CLEC16A: variants seen among roughly 807,000 people sequenced by gnomAD.
CLEC16A encodes the protein protein CLEC16A.
In CLEC16A, 51 loss-of-function variants were observed where a neutral mutation model predicts 109.5. The ratio of observed to expected loss-of-function variants is 0.47; its 90% CI spans 0.37 to 0.59. The LOEUF is 0.59. Among genes scored for constraint, CLEC16A ranks in the 20% least tolerant of loss-of-function variants. The probability of loss-of-function intolerance (pLI) is 0.00; values close to 1 mark genes in which losing one functional copy is unlikely to be tolerated. For missense variants in CLEC16A, 1,339 were observed against 1,394.0 expected (o/e 0.96, Z 0.63); for synonymous variants, 673 against 564.2 (o/e 1.19, Z -2.73).
intron 19 of CLEC16A, among the ~76,000 whole-genome samples, chr16:11,110,796 A>T (rs76310604): frequency 3.3e-5 from 5 of 152,172 alleles, no homozygotes; most frequent in African/African-American, 1.2e-4. Context: ...GACTCAGAAA[A>T]GGGAGGTGAT....
At chr16:11,083,148 GTTGTTTGTTTGT>G (rs144974456) in intron 19 of CLEC16A, among the ~76,000 whole-genome samples, 3 of 147,426 alleles carry the variant, frequency 2.0e-5, no homozygotes, top group Admixed American at 6.8e-5. Context: ...TGTTGTTGTT[GTTGTTTGTTTGT>G]TTGTTTGTTT....
intron 1 of CLEC16A, among the ~76,000 whole-genome samples, chr16:10,946,109 G>A (rs562244249): frequency 1.1e-4 from 16 of 152,266 alleles, no homozygotes; most frequent in South Asian, 6.2e-4. Context: ...GGGAAATGGC[G>A]GGGATGCTGA....
rs1199503779 is a variant in CLEC16A, at chr16:10,979,303, C to G, written c.904-26C>G. The G allele has an allele frequency of 3.1e-6, 5 of 1,606,356 alleles. No homozygotes were observed. The South Asian group carries it at 4.4e-5, about 14-fold the overall frequency. ...CTCGCTTGTGTGACCTGATCTCTCTCTCTCTCTCCTGCCACCCTGCACTAG... is the reference window on the plus strand; with the variant it reads ...CTCGCTTGTGTGACCTGATCTCTCTGTCTCTCTCCTGCCACCCTGCACTAG... On this transcript the variant is annotated intron_variant, in intron 8 of 23. Coordinates refer to ENST00000409790, the MANE Select transcript of CLEC16A (RefSeq NM_015226.3).
chr16:11,074,616 T>C (rs1007526337), intron 19 of CLEC16A, among the ~76,000 whole-genome samples: 1 of 152,208 alleles, frequency 6.6e-6, no homozygotes, highest in African/African-American at 2.4e-5. Flanking sequence ...CTGTAATCTT[T>C]CCCTGTTTTA....
chr16:10,981,760 G>C (rs1398433263), intron 9 of CLEC16A, among the ~76,000 whole-genome samples: 4 of 152,212 alleles, frequency 2.6e-5, no homozygotes, highest in South Asian at 2.1e-4. Flanking sequence ...TCTATCCCCA[G>C]AGACAATTAG....
Position 11,087,804 on chromosome 16 carries a change from A to C in CLEC16A, c.2116+26782A>C, listed in dbSNP as rs577026981. 4.6e-5 allele frequency among the ~76,000 whole-genome samples: 7 copies of C among 152,320 alleles called. No individual in the cohort carries two copies. In the East Asian group the frequency reaches 1.4e-3, roughly 29 times the overall value. On this transcript the variant is annotated intron_variant, in intron 19 of 23. Coordinates refer to ENST00000409790, the MANE Select transcript of CLEC16A (RefSeq NM_015226.3). ...GGTACACCGAGGCCCAGAGAGGAGG[A>C]CGGGGCTTGCCCAGGTCGCTGGCCA...
intron 19 of CLEC16A, among the ~76,000 whole-genome samples, chr16:11,071,628 G>T: frequency 6.7e-6 from 1 of 149,450 alleles, no homozygotes; most frequent in Non-Finnish European, 1.5e-5. Flanking sequence ...TAAGAGATGG[G>T]ATCTTGCTGT....
At chr16:11,042,630 A>G (rs2047401930) in intron 15 of CLEC16A, among the ~76,000 whole-genome samples, 1 of 152,174 alleles carries the variant, frequency 6.6e-6, no homozygotes, top group Non-Finnish European at 1.5e-5. Context: ...TGTCCTCAGG[A>G]TTTCTGAATT....
chr16:11,020,075 C>T, intron 11 of CLEC16A, 118 bp from the exon 12 acceptor site: 5 of 1,206,492 alleles, frequency 4.1e-6, no homozygotes, highest in Non-Finnish European at 5.6e-6. Context: ...TGCTGTCGGA[C>T]ATGTGCTTGA....
rs1347861804 is a variant in CLEC16A, at chr16:11,174,862, CCA to C, written c.2807-3468_2807-3467del. On this transcript the variant is annotated intron_variant, in intron 23 of 23. Coordinates refer to ENST00000409790, the MANE Select transcript of CLEC16A (RefSeq NM_015226.3). This position sits in a 1 kb window ranked among gnomAD's most constrained non-coding sequence, Gnocchi z 4.7. The stretch of plus-strand genomic sequence containing the variant: ...CACCATCTCCCTTTCTGAGTGGCAC[CCA>C]CACAGCAGTGAGGCTGATCCATGGG... Among the ~76,000 whole-genome samples the C allele has an allele frequency of 1.3e-5, 2 of 152,354 alleles. No individual in the cohort carries two copies. Among genetic ancestry groups the C allele is most frequent in the East Asian group, 3.9e-4 (2 of 5,192 alleles).
rs910455249 is a variant in CLEC16A at position 11,180,646 on chromosome 16, A to T, written c.*1956A>T. The T allele has an allele frequency of 4.6e-5, 7 of 152,284 alleles. No homozygotes were observed. The highest frequency in any genetic ancestry group is 1.7e-4 in the African/African-American group (7 of 41,460). The allele number at this position is 152,284 out of a possible 1,614,324, so 9.4% of individuals were successfully genotyped here. A position where few individuals can be genotyped will look rare whatever the true frequency, so the allele number is the denominator to read the frequency against. ...GCTGGAGATGGCTAGCCCCTGAGACATGCACTTCTGGTTTTGAAATGACTC... is the reference window on the plus strand; with the variant it reads ...GCTGGAGATGGCTAGCCCCTGAGACTTGCACTTCTGGTTTTGAAATGACTC... On this transcript the variant is annotated 3_prime_UTR_variant, in exon 24 of 24. Transcript: ENST00000409790.
At chr16:11,083,529 G>GGT (rs1267601849) in intron 19 of CLEC16A, among the ~76,000 whole-genome samples, 2 of 152,192 alleles carry the variant, frequency 1.3e-5, no homozygotes, top group East Asian at 3.9e-4. Flanking sequence ...GAGGGGCCCA[G>GGT]GTAGCACGTG....
At chr16:10,974,119 G>A (rs1181627131) in intron 7 of CLEC16A, among the ~76,000 whole-genome samples, 2 of 151,406 alleles carry the variant, frequency 1.3e-5, no homozygotes, top group East Asian at 3.9e-4. Flanking sequence ...GGCTAGTCTT[G>A]AACTCCTGAC....
At chr16:11,173,467 C>T (rs9937885) in intron 23 of CLEC16A, among the ~76,000 whole-genome samples, 2,278 of 143,236 alleles carry the variant, frequency 0.016, 52 homozygotes, top group African/African-American at 0.057. Flanking sequence ...ACCTGGTCTC[C>T]GCTCTCCTGC....
At chr16:11,001,631 A>G (rs1377157708) in intron 10 of CLEC16A, among the ~76,000 whole-genome samples, 1 of 152,126 alleles carries the variant, frequency 6.6e-6, no homozygotes, top group Non-Finnish European at 1.5e-5. Flanking sequence ...ACTGAGATAT[A>G]CTAATATGAA....
Position 11,178,549 on chromosome 16 carries a change from G to T in CLEC16A, c.3021G>T (p.Leu1007=), listed in dbSNP as rs201395603. Residue 1007 remains leucine, a synonymous_variant, in exon 24 of 24, where the codon CTG becomes CTT. Transcript: ENST00000409790. This position sits in a 1 kb window ranked among gnomAD's most constrained non-coding sequence, Gnocchi z 6.5. ...DTADTLSVES[L]TLVPPVDPHS... is the part of the protein sequence containing the mutation. ...CTGACACGCTGAGCGTCGAATCGCT[G>T]ACCCTTGTCCCCCCAGTTGACCCCC... The T allele has an allele frequency of 1.4e-5, 22 of 1,612,708 alleles. No homozygotes were observed. The East Asian group carries it at 4.9e-4, about 36-fold the overall frequency.
chr16:11,012,870 A>G (rs2045520713), intron 11 of CLEC16A, among the ~76,000 whole-genome samples: 2 of 152,076 alleles, frequency 1.3e-5, no homozygotes, highest in African/African-American at 4.8e-5. Flanking sequence ...ATGAATTGTT[A>G]TTTGACAATC....
At chr16:10,969,702 G>C (rs1157381201) in intron 4 of CLEC16A, among the ~76,000 whole-genome samples, 1 of 152,138 alleles carries the variant, frequency 6.6e-6, no homozygotes, top group Admixed American at 6.5e-5. Flanking sequence ...TTTATACTTG[G>C]TAGAGAGGAG....
At chr16:11,035,534 A>C (rs2046972620) in intron 13 of CLEC16A, among the ~76,000 whole-genome samples, 1 of 152,188 alleles carries the variant, frequency 6.6e-6, no homozygotes. Flanking sequence ...ACATGGCTGC[A>C]TTCAGGGCTG....
Sources: allele counts gnomAD v4.1 joint callset (sites outside exome capture counted in the v4.1 genomes callset), GRCh38; gene constraint gnomAD v4.1.1; non-coding constraint Gnocchi (gnomAD v3.1); transcripts MANE v1.5; gene names NCBI Gene and HGNC (gene_info 2026-07-23, HGNC 2026-07-21).